RNF17: variants seen among roughly 807,000 people sequenced by gnomAD.
RNF17 encodes spermatogenesis associated 23.
Under a neutral mutation model 200.5 loss-of-function variants are expected in RNF17, and 31 were observed. That is an observed-to-expected ratio of 0.15 (90% confidence interval 0.12 to 0.21). The LOEUF (loss-of-function observed/expected upper bound fraction) is 0.21, where lower values mean the gene tolerates loss of function less well. Among genes scored for constraint, RNF17 ranks in the 10% least tolerant of loss-of-function variants. The pLI is 1.00. For synonymous variants in RNF17, 606 were observed against 637.8 expected, an observed-to-expected ratio of 0.95 and a Z score of 0.75; for missense variants, 1,628 against 1,905.1, an observed-to-expected ratio of 0.85 and a Z score of 2.71.
chr13:24,820,126 T>C (rs1887865255), intron 15 of RNF17, among the ~76,000 whole-genome samples: 1 of 134,366 alleles, frequency 7.4e-6, no homozygotes, highest in South Asian at 2.6e-4. Context: ...TTTTTCTTTT[T>C]TTTTTTTTTT....
At chr13:24,828,239 T>TCTA (rs1472329176) in intron 16 of RNF17, among the ~76,000 whole-genome samples, 1 of 9,768 alleles carries the variant, frequency 1.0e-4, no homozygotes, top group Non-Finnish European at 2.7e-3. Flanking sequence ...TGGTGCTCAT[T>TCTA]CTACTTCTTC....
chr13:24,841,836 A>G (rs1890670449), intron 18 of RNF17, among the ~76,000 whole-genome samples: 2 of 151,892 alleles, frequency 1.3e-5, no homozygotes, highest in African/African-American at 4.8e-5. Flanking sequence ...GTGGCGCGAC[A>G]GTGTCTGTAG....
At chr13:24,840,054 A>G (rs1312038700) in intron 18 of RNF17, among the ~76,000 whole-genome samples, 4 of 152,132 alleles carry the variant, frequency 2.6e-5, no homozygotes, top group Admixed American at 2.6e-4. Flanking sequence ...AATACCAAAA[A>G]GTGGGCTAAG....
chr13:24,872,866 T>G (rs1028190332), intron 32 of RNF17, among the ~76,000 whole-genome samples: 1 of 149,436 alleles, frequency 6.7e-6, no homozygotes, highest in Non-Finnish European at 1.5e-5. Context: ...CAGGAAAACT[T>G]TAGATGAAGG....
Position 24,842,121 on chromosome 13 carries a change from G to T in RNF17, c.2563G>T (p.Asp855Tyr). The T allele has an allele frequency of 6.2e-7, 1 of 1,609,906 alleles. No individual in the cohort carries two copies. The highest frequency in any genetic ancestry group is 1.1e-5 in the South Asian group (1 of 90,606). ...TGAAATGACTACTACTAGTATTAAT[G>T]ACCAGCTAGTTAAAGAGGGCCTAGC... is the stretch of plus-strand genomic sequence containing the variant. ...APEMTTTSIN[D>Y]QLVKEGLASY... The change falls in exon 19 of 36, where the codon GAC becomes TAC. Residue 855 changes from aspartate to tyrosine, a missense_variant. Transcript: ENST00000255324.
chr13:24,827,001 G>A (rs567231604), intron 16 of RNF17, among the ~76,000 whole-genome samples: 69 of 151,492 alleles, frequency 4.6e-4, no homozygotes, highest in African/African-American at 1.6e-3. Flanking sequence ...CGGAGGTTGC[G>A]GTGAGCTGAG....
At position 24,825,603 on chromosome 13, in the gene RNF17, T is replaced by A. The variant is rs1888542873; in HGVS notation, c.2092-16T>A. 2 of 1,524,482 alleles carry A rather than the reference T, an allele frequency of 1.3e-6. No homozygotes were observed. The highest frequency in any genetic ancestry group is 3.4e-5 in the Admixed American group (2 of 58,254). The allele number at this position is 1,524,482 out of a possible 1,614,324, so 94.4% of individuals were successfully genotyped here. ...GTTTCTGTGAAATGACAGTGCTTTA[T>A]CCCTTTATTTACTAGATAGAGGGCC... On this transcript the variant is annotated splice_polypyrimidine_tract_variant and intron_variant, in intron 15 of 35. Transcript: ENST00000255324.
In RNF17 at chr13:24,874,014, A is replaced by T. The variant is rs993945549; in HGVS notation, c.4448-100A>T. On this transcript the variant is annotated intron_variant, in intron 32 of 35. Coordinates refer to ENST00000255324, the MANE Select transcript of RNF17 (RefSeq NM_031277.3). Reference sequence around the variant, plus strand: ...GGCTATTGTGAATAGTGCTGCAACAAACATGGGGTACAAGTAGCCCTTTGA... The same window carrying T: ...GGCTATTGTGAATAGTGCTGCAACATACATGGGGTACAAGTAGCCCTTTGA... 9.2e-6 allele frequency: 11 copies of T among 1,202,036 alleles called. No individual in the cohort carries two copies. In the African/African-American group the frequency reaches 1.7e-4, roughly 19 times the overall value. 74.5% of individuals were successfully genotyped at this position (1,202,036 alleles called of 1,614,324 possible).
intron 16 of RNF17, among the ~76,000 whole-genome samples, chr13:24,826,812 G>C (rs1471790913): frequency 3.3e-5 from 5 of 151,636 alleles, no homozygotes; most frequent in Non-Finnish European, 7.4e-5. Context: ...TGTAATCCCA[G>C]CACTTTGGGA....
the RNF17 span, among the ~76,000 whole-genome samples, chr13:24,754,673 T>C: frequency 6.6e-6 from 1 of 152,158 alleles, no homozygotes; most frequent in African/African-American, 2.4e-5. Flanking sequence ...GGCAGATCGC[T>C]TGAGACCAGG....
Position 24,781,906 on chromosome 13 carries a change from G to A in RNF17, c.573G>A (p.Glu191=). ...EERERVIEVV[E]KQFDQLLAFF... The stretch of plus-strand genomic sequence containing the variant: ...GAGAAAGAGTTATAGAAGTTGTGGA[G>A]AAACAGTTTGACCAACTTTTGGCTT... The change falls in exon 6 of 36, where the codon GAG becomes GAA. Residue 191 remains glutamate (E), a synonymous_variant. Coordinates refer to ENST00000255324, the MANE Select transcript of RNF17 (RefSeq NM_031277.3). The A allele has an allele frequency of 6.2e-7, 1 of 1,613,132 alleles. No homozygotes were observed. Among genetic ancestry groups the A allele is most frequent in the Non-Finnish European group, 8.5e-7 (1 of 1,179,658 alleles).
At chr13:24,821,991 G>C (rs1888115149) in intron 15 of RNF17, among the ~76,000 whole-genome samples, 1 of 152,206 alleles carries the variant, frequency 6.6e-6, no homozygotes, top group Non-Finnish European at 1.5e-5. Flanking sequence ...TGTCTCTAGT[G>C]AGAGAAAGGG....
At chr13:24,753,239 T>G in the RNF17 span, among the ~76,000 whole-genome samples, 1 of 152,220 alleles carries the variant, frequency 6.6e-6, no homozygotes, top group Non-Finnish European at 1.5e-5. Flanking sequence ...CTTTTTAAAT[T>G]TTCATGTGAA....
At chr13:24,882,850 G>T, downstream of RNF17, 1 of 338,412 alleles carries the variant, frequency 3.0e-6, no homozygotes, top group Admixed American at 4.4e-5. Flanking sequence ...GGACATCTAG[G>T]TGATGTACTT....
At chr13:24,771,708 C>G (rs148001848) in intron 2 of RNF17, among the ~76,000 whole-genome samples, 2 of 149,924 alleles carry the variant, frequency 1.3e-5, no homozygotes, top group Admixed American at 6.7e-5. Flanking sequence ...TCAATACTTA[C>G]GTTTTTTTAA....
chr13:24,801,450 C>T (rs1471581191), intron 13 of RNF17, among the ~76,000 whole-genome samples: 2 of 152,092 alleles, frequency 1.3e-5, no homozygotes, highest in Non-Finnish European at 2.9e-5. Context: ...TGAGACCAGC[C>T]TGGGCAACAT....
rs191392393 is a variant in RNF17 at position 24,871,841 on chromosome 13, C to T, written c.4447+1102C>T. Among the ~76,000 whole-genome samples the T allele has an allele frequency of 9.7e-4, 147 of 152,060 alleles. 1 individual carries two copies. The highest frequency in any genetic ancestry group is 1.8e-3 in the Admixed American group (27 of 15,242). On this transcript the variant is annotated intron_variant, in intron 32 of 35. Transcript: ENST00000255324. ...AGAGACAGGGTTTCACTATCTTGGC[C>T]GGTCTGGTCTCGAATTCCTGACCTC... is the stretch of plus-strand genomic sequence containing the variant.
At chr13:24,805,447 A>G (rs1039756624) in intron 15 of RNF17, among the ~76,000 whole-genome samples, 4 of 152,198 alleles carry the variant, frequency 2.6e-5, no homozygotes, top group African/African-American at 4.8e-5. Flanking sequence ...GTGAAATCAT[A>G]TACAATGTTT....
chr13:24,834,974 C>T (rs910212727), intron 18 of RNF17, among the ~76,000 whole-genome samples: 1 of 152,136 alleles, frequency 6.6e-6, no homozygotes, highest in African/African-American at 2.4e-5. Context: ...AGACTTGGGG[C>T]TGATGGGGGG....
Sources: allele counts gnomAD v4.1 joint callset (sites outside exome capture counted in the v4.1 genomes callset), GRCh38; gene constraint gnomAD v4.1.1; transcripts MANE v1.5; gene names NCBI Gene and HGNC (gene_info 2026-07-23, HGNC 2026-07-21).